The following OTOF variants were observed in gnomAD, a reference collection of about 807,000 sequenced individuals.
The protein encoded by OTOF is otoferlin, also known as fer-1-like family member 2.
In OTOF, 218 loss-of-function variants were observed where a neutral mutation model predicts 236.8. The ratio of observed to expected loss-of-function variants is 0.92; its 90% CI spans 0.82 to 1.03. The LOEUF (loss-of-function observed/expected upper bound fraction) is 1.03. Among genes scored for constraint, OTOF ranks in the 50% least tolerant of loss-of-function variants. The pLI is 0.00. For missense variants in OTOF, 2,590 were observed against 2,694.4 expected (o/e 0.96, Z 0.86); for synonymous variants, 1,041 against 1,072.5 (o/e 0.97, Z 0.57).
At position 26,460,314 on chromosome 2, in the gene OTOF, T is replaced by C; in HGVS notation, c.5814-109A>G. The C allele has an allele frequency of 1.1e-6, 1 of 910,140 alleles. No individual in the cohort carries two copies. 56.4% of individuals were successfully genotyped at this position (910,140 alleles called of 1,614,324 possible). A position where few individuals can be genotyped will look rare whatever the true frequency, so the allele number is the denominator to read the frequency against. On this transcript the variant is annotated intron_variant, in intron 45 of 46. Transcript: ENST00000272371. The surrounding 1 kb of genome is among the most constrained non-coding windows in gnomAD (Gnocchi z 5.3). Reference sequence around the variant, plus strand: ...AAGCTGTCCTGGGCTGTGTGTGCAGTTCTAGGCACCCCTCTGGCCATCAAG... The same window carrying C: ...AAGCTGTCCTGGGCTGTGTGTGCAGCTCTAGGCACCCCTCTGGCCATCAAG...
intron 41 of OTOF, among the ~76,000 whole-genome samples, chr2:26,463,258 G>A (rs1374444393): frequency 2.0e-5 from 3 of 152,226 alleles, no homozygotes; most frequent in African/African-American, 4.8e-5. Flanking sequence ...GGTGGAAGGC[G>A]TTGTCCTGCC....
At chr2:26,481,035 G>A (rs1665528360) in intron 14 of OTOF, 26 bp from the exon 15 acceptor site, 2 of 1,564,498 alleles carry the variant, frequency 1.3e-6, no homozygotes, top group Non-Finnish European at 1.8e-6. Context: ...CAAAAATGAG[G>A]GGGCAGCGTC....
Position 26,519,092 on chromosome 2 carries a change from C to A in OTOF, c.245G>T (p.Arg82Leu), listed in dbSNP as rs149766574. ...VFSNKLIGTF[R>L]MVLQKVVEES... ...CTCTACCACCTTCTGCAGCACCATG[C>A]GGAAGGTCCCGATGAGCCTGGGGAT... Residue 82 changes from arginine (R) to leucine (L), a missense_variant, in exon 4 of 47, where the codon CGC becomes CTC. Coordinates refer to ENST00000272371, the MANE Select transcript of OTOF (RefSeq NM_194248.3). 1 of 1,603,152 alleles carries A rather than the reference C, an allele frequency of 6.2e-7. No homozygotes were observed. The highest frequency in any genetic ancestry group is 8.5e-7 in the Non-Finnish European group (1 of 1,173,096).
intron 46 of OTOF, among the ~76,000 whole-genome samples, chr2:26,459,513 C>T (rs1221335418): frequency 2.1e-5 from 3 of 145,548 alleles, no homozygotes; most frequent in Non-Finnish European, 3.0e-5. Context: ...GATTGTGCCA[C>T]TGCACTCTAG....
At position 26,460,521 on chromosome 2, in the gene OTOF, G is replaced by T. The variant is rs1664410098; in HGVS notation, c.5813+126C>A. The T allele has an allele frequency of 1.3e-6, 1 of 799,992 alleles. No individual in the cohort carries two copies. 49.6% of individuals were successfully genotyped at this position (799,992 alleles called of 1,614,324 possible). On this transcript the variant is annotated intron_variant, in intron 45 of 46. Coordinates refer to ENST00000272371, the MANE Select transcript of OTOF (RefSeq NM_194248.3). This position sits in a 1 kb window ranked among gnomAD's most constrained non-coding sequence, Gnocchi z 5.3. The stretch of plus-strand genomic sequence containing the variant: ...GGGATTCAGGGTTGGCAGAGGGCAG[G>T]GAGGAGGCTCCCCTGTAATGAGGCT...
Position 26,474,046 on chromosome 2 carries a change from G to A in OTOF, c.3353C>T (p.Pro1118Leu). 2 of 1,612,986 alleles carry A rather than the reference G, an allele frequency of 1.2e-6. No individual in the cohort carries two copies. Among genetic ancestry groups the A allele is most frequent in the African/African-American group, 1.3e-5 (1 of 74,986 alleles). Residue 1118 changes from proline (P) to leucine (L), a missense_variant, in exon 27 of 47, where the codon CCC becomes CTC. Coordinates refer to ENST00000272371, the MANE Select transcript of OTOF (RefSeq NM_194248.3). ...INGPVDVDRG[P>L]IMPVPMGIRP... is the part of the protein sequence containing the mutation. ...GATGCCCATGGGCACGGGCATGATG[G>A]GACCTCGGTCCACGTCCACCGGGCC... is the stretch of plus-strand genomic sequence containing the variant.
At chr2:26,481,713 C>T (rs1260723260) in intron 14 of OTOF, among the ~76,000 whole-genome samples, 2 of 152,116 alleles carry the variant, frequency 1.3e-5, no homozygotes, top group Non-Finnish European at 2.9e-5. Flanking sequence ...AGCAGTTCCA[C>T]CCCCTCAAAA....
Position 26,473,077 on chromosome 2 carries a change from C to A in OTOF, c.3733+55G>T. On this transcript the variant is annotated intron_variant, in intron 29 of 46. Coordinates refer to ENST00000272371, the MANE Select transcript of OTOF (RefSeq NM_194248.3). This position sits in a 1 kb window ranked among gnomAD's most constrained non-coding sequence, Gnocchi z 7.2. ...GCTTGGACTGGGCGGAGACCTGGAG[C>A]CCTTCCCTGGGGGGCGTGGAGCCAG... 1 of 1,560,908 alleles carries A rather than the reference C, an allele frequency of 6.4e-7. No homozygotes were observed. The highest frequency in any genetic ancestry group is 1.1e-5 in the South Asian group (1 of 89,156).
chr2:26,558,120 G>C (rs567960473), intron 1 of OTOF, among the ~76,000 whole-genome samples: 94 of 151,994 alleles, frequency 6.2e-4, no homozygotes, highest in African/African-American at 2.1e-3. Context: ...CCCACCCTGT[G>C]CTCAAGGAAA....
chr2:26,496,597 GAGAGCC>G (rs1451728570), intron 8 of OTOF, among the ~76,000 whole-genome samples: 1 of 152,054 alleles, frequency 6.6e-6, no homozygotes, highest in Admixed American at 6.6e-5. Flanking sequence ...CAGAGAGAGA[GAGAGCC>G]AGAGCACCAG....
In OTOF at chr2:26,460,167, A is replaced by G. The variant is rs375093015; in HGVS notation, c.5852T>C (p.Leu1951Pro). 6.2e-7 allele frequency: 1 copy of G among 1,605,264 alleles called. No individual in the cohort carries two copies. Among genetic ancestry groups the G allele is most frequent in the South Asian group, 1.1e-5 (1 of 89,330 alleles). Residue 1951 changes from leucine (L) to proline (P), a missense_variant, in exon 46 of 47, where the codon CTC becomes CCC. By Grantham distance (98) the Leu-to-Pro change is moderately conservative (BLOSUM62 -3). Coordinates refer to ENST00000272371, the MANE Select transcript of OTOF (RefSeq NM_194248.3). This position sits in a 1 kb window ranked among gnomAD's most constrained non-coding sequence, Gnocchi z 5.3. ...DTSFIWFLNP[L>P]KSARYFLWHT... is the part of the protein sequence containing the mutation. ...CCACAAGAAGTAGCGAGCCGACTTGAGAGGGTTCAGGAACCAGATGAAGCT... is the reference window on the plus strand; with the variant it reads ...CCACAAGAAGTAGCGAGCCGACTTGGGAGGGTTCAGGAACCAGATGAAGCT...
chr2:26,527,706 G>A (rs2148112768), intron 3 of OTOF, 126 bp downstream of exon 3: 1 of 768,540 alleles, frequency 1.3e-6, no homozygotes, highest in Non-Finnish European at 2.4e-6. Context: ...GGTCTTTGAA[G>A]ATCAATCCAG....
intron 5 of OTOF, among the ~76,000 whole-genome samples, chr2:26,511,222 G>C (rs1189567044): frequency 6.6e-6 from 1 of 152,190 alleles, no homozygotes; most frequent in East Asian, 1.9e-4. Context: ...GGGCCTCTAG[G>C]GGAACAGTGG....
At chr2:26,517,179 G>A (rs981941771) in intron 4 of OTOF, among the ~76,000 whole-genome samples, 2 of 152,156 alleles carry the variant, frequency 1.3e-5, no homozygotes, top group African/African-American at 2.4e-5. Context: ...GCACTCAACC[G>A]GGCTCAGGCT....
At chr2:26,483,913 A>G (rs1572440261) in intron 12 of OTOF, among the ~76,000 whole-genome samples, 6 of 152,368 alleles carry the variant, frequency 3.9e-5, no homozygotes, top group South Asian at 2.1e-4. Flanking sequence ...CAAGCACGCT[A>G]AAACATATGA....
At chr2:26,554,190 C>T (rs946910973) in intron 1 of OTOF, among the ~76,000 whole-genome samples, 1 of 109,508 alleles carries the variant, frequency 9.1e-6, no homozygotes, top group African/African-American at 3.3e-5. Flanking sequence ...AAAAAAAAAT[C>T]GTTAGGCCCC....
chr2:26,477,805 C>T lies in OTOF; in HGVS notation c.2215-56G>A. Reference sequence around the variant, plus strand: ...CCACAGCCCCGCCTCCCCAGCCTCCCCAAATGCCTCCTCCCTGTTGATCAG... The same window carrying T: ...CCACAGCCCCGCCTCCCCAGCCTCCTCAAATGCCTCCTCCCTGTTGATCAG... On this transcript the variant is annotated intron_variant, in intron 18 of 46. Transcript: ENST00000272371. The surrounding 1 kb of genome is among the most constrained non-coding windows in gnomAD (Gnocchi z 4.7). The T allele has an allele frequency of 6.2e-7, 1 of 1,601,404 alleles. No homozygotes were observed. Among genetic ancestry groups the T allele is most frequent in the Non-Finnish European group, 8.5e-7 (1 of 1,174,378 alleles).
At chr2:26,516,669 C>T (rs1355311121) in intron 4 of OTOF, 70 bp from the exon 5 acceptor site, 2 of 1,535,374 alleles carry the variant, frequency 1.3e-6, no homozygotes, top group Admixed American at 3.3e-5. Flanking sequence ...TATGTGGCTG[C>T]TTGGTGGTGT....
intron 1 of OTOF, among the ~76,000 whole-genome samples, chr2:26,556,888 A>C (rs550743506): frequency 8.1e-4 from 124 of 152,354 alleles, no homozygotes; most frequent in African/African-American, 2.8e-3. Flanking sequence ...CGTGGAGCTC[A>C]GGGCCACATT....
Sources: allele counts gnomAD v4.1 joint callset (sites outside exome capture counted in the v4.1 genomes callset), GRCh38; gene constraint gnomAD v4.1.1; non-coding constraint Gnocchi (gnomAD v3.1); transcripts MANE v1.5; gene names NCBI Gene and HGNC (gene_info 2026-07-23, HGNC 2026-07-21).